UNC13C: variants seen among roughly 807,000 people sequenced by gnomAD.
The protein encoded by UNC13C is unc-13 homolog C.
A neutral mutation model predicts 245.4 loss-of-function variants in UNC13C; 174 were observed. The ratio of observed to expected loss-of-function variants is 0.71; its 90% CI spans 0.63 to 0.80. The LOEUF (loss-of-function observed/expected upper bound fraction) is 0.80, where lower values mean the gene tolerates loss of function less well. Among genes scored for constraint, UNC13C ranks in the 30% least tolerant of loss-of-function variants. The probability of loss-of-function intolerance (pLI) is 0.00; values close to 1 mark genes in which losing one functional copy is unlikely to be tolerated. For missense variants in UNC13C, 2,829 were observed against 2,602.9 expected, an observed-to-expected ratio of 1.09 and a Z score of -1.89; for synonymous variants, 992 against 895.1, an observed-to-expected ratio of 1.11 and a Z score of -1.93.
Position 54,223,088 on chromosome 15 carries a change from T to C in UNC13C, c.3072-11942T>C, listed in dbSNP as rs147940706. Among the ~76,000 whole-genome samples the C allele has an allele frequency of 2.5e-4, 38 of 152,242 alleles. 1 individual carries two copies. The highest frequency in any genetic ancestry group is 8.7e-4 in the African/African-American group (36 of 41,576). ...TTGTTTCCTTTGCTGTGCAGAAGCT[T>C]TTAAAGTTGATGTGATCCCATTTGT... On this transcript the variant is annotated intron_variant, in intron 4 of 32. Coordinates refer to ENST00000260323, the MANE Select transcript of UNC13C (RefSeq NM_001080534.3).
intron 2 of UNC13C, among the ~76,000 whole-genome samples, chr15:54,101,486 T>G (rs1900160669): frequency 3.3e-5 from 5 of 152,236 alleles, no homozygotes; most frequent in Admixed American, 3.3e-4. Context: ...AAAATTGTAT[T>G]TATAATTCCC....
At chr15:54,150,587 G>A (rs1001178691) in intron 4 of UNC13C, among the ~76,000 whole-genome samples, 9 of 152,132 alleles carry the variant, frequency 5.9e-5, no homozygotes, top group Non-Finnish European at 1.3e-4. Context: ...AGCTTCCTGT[G>A]GTCAAGAAGA....
At chr15:54,445,853 A>G (rs1038523871) in intron 19 of UNC13C, among the ~76,000 whole-genome samples, 4 of 152,216 alleles carry the variant, frequency 2.6e-5, no homozygotes, top group Admixed American at 2.0e-4. Context: ...TGTTTTAGAC[A>G]TGAAGTCCTT....
intron 2 of UNC13C, among the ~76,000 whole-genome samples, chr15:54,101,854 G>C (rs1371598253): frequency 4.0e-5 from 6 of 151,770 alleles, no homozygotes; most frequent in Admixed American, 3.9e-4. Context: ...AAAGTGCTGG[G>C]ATCACAGGTG....
intron 17 of UNC13C, among the ~76,000 whole-genome samples, chr15:54,377,844 G>C (rs565582906): frequency 9.2e-5 from 14 of 152,262 alleles, no homozygotes; most frequent in Admixed American, 7.8e-4. Context: ...GTATTGCATT[G>C]GTGATTAGGT....
intron 2 of UNC13C, among the ~76,000 whole-genome samples, chr15:54,138,964 T>TTC (rs1460017153): frequency 1.8e-5 from 2 of 112,016 alleles, no homozygotes; most frequent in Non-Finnish European, 3.7e-5. Flanking sequence ...TTTTTTTTTT[T>TTC]TTTTTTTTTT....
In UNC13C at chr15:54,014,719, T is replaced by A; in HGVS notation, c.1816T>A (p.Leu606Met). The change falls in exon 2 of 33, where the codon TTG becomes ATG. Residue 606 changes from leucine (L) to methionine (M), a missense_variant. Transcript: ENST00000260323. ...GTATGACAGTCCCAAGGACCAGCAT[T>A]TGAATGGAGGTGTTCAGGGTATCCA... ...TLYDSPKDQH[L>M]NGGVQGIQGQ... 6.2e-7 allele frequency: 1 copy of A among 1,613,758 alleles called. No homozygotes were observed. The highest frequency in any genetic ancestry group is 1.1e-5 in the South Asian group (1 of 91,076).
intron 2 of UNC13C, among the ~76,000 whole-genome samples, chr15:54,063,866 G>C (rs1448473790): frequency 6.6e-6 from 1 of 152,100 alleles, no homozygotes; most frequent in Non-Finnish European, 1.5e-5. Flanking sequence ...GGAGGGGAAA[G>C]GGCCATTAGA....
chr15:54,108,594 A>C (rs1440563889), intron 2 of UNC13C, among the ~76,000 whole-genome samples: 2 of 152,212 alleles, frequency 1.3e-5, no homozygotes, highest in Non-Finnish European at 2.9e-5. Flanking sequence ...TTCCAGTGTC[A>C]AATTATAGCA....
chr15:54,012,999 C>T lies in UNC13C; in HGVS notation c.96C>T (p.Asn32=). The part of the protein sequence containing the change: ...FTKKLGNTNK[N]KEYRQQKKDQ... ...AGAAATTGGGAAATACAAACAAAAA[C>T]AAAGAGTATCGTCAGCAGAAAAAGG... is the stretch of plus-strand genomic sequence containing the variant. Residue 32 remains asparagine (N), a synonymous_variant, in exon 2 of 33, where the codon AAC becomes AAT. Coordinates refer to ENST00000260323, the MANE Select transcript of UNC13C (RefSeq NM_001080534.3). 1 of 1,613,770 alleles carries T rather than the reference C, an allele frequency of 6.2e-7. No individual in the cohort carries two copies. Among genetic ancestry groups the T allele is most frequent in the Non-Finnish European group, 8.5e-7 (1 of 1,179,784 alleles).
intron 10 of UNC13C, among the ~76,000 whole-genome samples, chr15:54,272,851 T>C (rs1470689002): frequency 1.3e-5 from 2 of 152,262 alleles, no homozygotes; most frequent in East Asian, 3.9e-4. Flanking sequence ...TTGAATGTCA[T>C]AAAATATAAA....
At chr15:54,235,833 G>A (rs1456853015) in intron 5 of UNC13C, among the ~76,000 whole-genome samples, 1 of 152,164 alleles carries the variant, frequency 6.6e-6, no homozygotes. Flanking sequence ...CTGCGTGACA[G>A]AGCGAGACTC....
At chr15:54,094,233 T>C (rs1899729949) in intron 2 of UNC13C, among the ~76,000 whole-genome samples, 1 of 152,190 alleles carries the variant, frequency 6.6e-6, no homozygotes, top group Non-Finnish European at 1.5e-5. Context: ...TCCTTCCGTG[T>C]GTCCTTCACC....
intron 2 of UNC13C, among the ~76,000 whole-genome samples, chr15:54,085,749 T>C (rs1473486650): frequency 2.6e-5 from 4 of 152,110 alleles, no homozygotes; most frequent in Admixed American, 2.0e-4. Flanking sequence ...AAAAGAAAAC[T>C]AGGCACAAGA....
the UNC13C span, among the ~76,000 whole-genome samples, chr15:53,958,047 T>C: frequency 1.3e-5 from 2 of 152,166 alleles, no homozygotes; most frequent in African/African-American, 2.4e-5. Flanking sequence ...TAGAGGACTT[T>C]AAAAGAGGTA....
intron 2 of UNC13C, among the ~76,000 whole-genome samples, chr15:54,037,259 A>C (rs184546213): frequency 6.6e-6 from 1 of 152,240 alleles, no homozygotes; most frequent in Non-Finnish European, 1.5e-5. Context: ...CCTTTTAGGC[A>C]CTCCGGTGAT....
At chr15:54,102,384 C>T (rs2141157995) in intron 2 of UNC13C, among the ~76,000 whole-genome samples, 1 of 152,250 alleles carries the variant, frequency 6.6e-6, no homozygotes, top group East Asian at 1.9e-4. Flanking sequence ...CCTTGAGAAC[C>T]TCCTGTCCTG....
intron 18 of UNC13C, among the ~76,000 whole-genome samples, chr15:54,403,479 T>C (rs2040229173): frequency 6.6e-6 from 1 of 152,152 alleles, no homozygotes; most frequent in Admixed American, 6.5e-5. Context: ...CCCAGCACTT[T>C]GGGAACCCGA....
intron 7 of UNC13C, among the ~76,000 whole-genome samples, chr15:54,244,327 C>A (rs1005663310): frequency 2.0e-5 from 3 of 152,130 alleles, no homozygotes; most frequent in African/African-American, 7.2e-5. Flanking sequence ...TTTCATTAGT[C>A]TATGTGTCTG....
Sources: allele counts gnomAD v4.1 joint callset (sites outside exome capture counted in the v4.1 genomes callset), GRCh38; gene constraint gnomAD v4.1.1; transcripts MANE v1.5; gene names NCBI Gene and HGNC (gene_info 2026-07-23, HGNC 2026-07-21).